TASP1: variants seen among roughly 807,000 people sequenced by gnomAD.
The protein encoded by TASP1 is taspase 1, also known as threonine aspartase 1.
In TASP1, 16 loss-of-function variants were observed where a neutral mutation model predicts 56.6. The ratio of observed to expected loss-of-function variants is 0.28; its 90% confidence interval spans 0.19 to 0.43. The LOEUF is 0.43. Ranked by LOEUF, TASP1 falls within the 20% of genes least tolerant of loss-of-function variation. The pLI is 1.00. For missense variants in TASP1, 393 were observed against 511.6 expected (o/e 0.77, Z 2.24); for synonymous variants, 179 against 184.2 (o/e 0.97, Z 0.23).
rs1278347188 is a variant in TASP1 at position 13,580,994 on chromosome 20, AAAAAAAATTGGC to A, written c.404-25_404-14del. On this transcript the variant is annotated splice_polypyrimidine_tract_variant and intron_variant, in intron 5 of 13. Transcript: ENST00000337743. ...GGGTTCTTGATTCCTATAAAAAAAA[AAAAAAAATTGGC>A]AAAAAAGATGTCAGAAATGTCTTCT... The A allele has an allele frequency of 1.2e-6, 2 of 1,602,716 alleles. No homozygotes were observed. Among genetic ancestry groups the A allele is most frequent in the Admixed American group, 3.5e-5 (2 of 57,290 alleles).
chr20:13,627,944 T>C (rs2048955230), intron 2 of TASP1, among the ~76,000 whole-genome samples: 1 of 152,220 alleles, frequency 6.6e-6, no homozygotes, highest in Non-Finnish European at 1.5e-5. Context: ...TGTAGCAATC[T>C]ATAACCAATC....
chr20:13,332,096 C>T, the TASP1 span, among the ~76,000 whole-genome samples: 53 of 152,154 alleles, frequency 3.5e-4, no homozygotes, highest in African/African-American at 1.3e-3. Flanking sequence ...CCCTGTAGAC[C>T]ACAAAAAGAT....
the TASP1 span, among the ~76,000 whole-genome samples, chr20:13,179,811 GGA>G: frequency 6.6e-6 from 1 of 152,138 alleles, no homozygotes; most frequent in African/African-American, 2.4e-5. Context: ...TGTCCACTCT[GGA>G]GAGTCTCCAG....
At chr20:13,337,698 G>T in the TASP1 span, among the ~76,000 whole-genome samples, 2 of 152,334 alleles carry the variant, frequency 1.3e-5, no homozygotes, top group South Asian at 4.1e-4. Context: ...TAACTTTTGT[G>T]CAACACAATT....
chr20:13,390,776 T>C (rs544395459), intron 13 of TASP1, among the ~76,000 whole-genome samples: 16 of 152,336 alleles, frequency 1.1e-4, no homozygotes, highest in Admixed American at 3.3e-4. Flanking sequence ...GCAGTTTTAA[T>C]GCCAGCTCTA....
chr20:13,261,176 G>A, the TASP1 span, among the ~76,000 whole-genome samples: 1,836 of 152,278 alleles, frequency 0.012, 29 homozygotes, highest in Non-Finnish European at 0.022. Flanking sequence ...CACTTTGAGA[G>A]GCTGAGTTGG....
At chr20:13,171,220 T>C in the TASP1 span, among the ~76,000 whole-genome samples, 1 of 152,222 alleles carries the variant, frequency 6.6e-6, no homozygotes, top group Non-Finnish European at 1.5e-5. Context: ...CTCAATTTTA[T>C]ATAATTTACA....
chr20:13,280,779 G>A, the TASP1 span, among the ~76,000 whole-genome samples: 6,369 of 152,276 alleles, frequency 0.042, 455 homozygotes, highest in African/African-American at 0.14. Flanking sequence ...TGCAAGGGAG[G>A]CTGGGAAATG....
the TASP1 span, among the ~76,000 whole-genome samples, chr20:13,358,212 C>T: frequency 6.6e-6 from 1 of 152,212 alleles, no homozygotes; most frequent in South Asian, 2.1e-4. Flanking sequence ...ACGGCCCCAC[C>T]CTTATCTCCC....
At chr20:13,589,932 CT>C (rs2047458404) in intron 4 of TASP1, among the ~76,000 whole-genome samples, 1 of 151,992 alleles carries the variant, frequency 6.6e-6, no homozygotes, top group Non-Finnish European at 1.5e-5. Context: ...AAAATCAATT[CT>C]AAAAACAGAA....
the TASP1 span, among the ~76,000 whole-genome samples, chr20:13,148,979 T>C: frequency 6.6e-6 from 1 of 152,246 alleles, no homozygotes; most frequent in Non-Finnish European, 1.5e-5. Flanking sequence ...TAAGCTTATC[T>C]CTAATTTACA....
intron 10 of TASP1, among the ~76,000 whole-genome samples, chr20:13,501,154 G>T (rs1365373489): frequency 6.6e-6 from 1 of 151,912 alleles, no homozygotes; most frequent in Non-Finnish European, 1.5e-5. Flanking sequence ...GGGAAGTAAA[G>T]ATATTTCTGA....
At chr20:13,330,066 C>G in the TASP1 span, among the ~76,000 whole-genome samples, 12 of 152,078 alleles carry the variant, frequency 7.9e-5, no homozygotes, top group Non-Finnish European at 1.8e-4. Context: ...AAGCAATTCT[C>G]CTGCCTCAGC....
chr20:13,328,119 C>A, the TASP1 span, among the ~76,000 whole-genome samples: 35 of 151,906 alleles, frequency 2.3e-4, no homozygotes, highest in South Asian at 3.3e-3. Flanking sequence ...AGAAAAAAAA[C>A]CAAACAACCC....
chr20:13,458,147 A>G (rs1009406901), intron 11 of TASP1, among the ~76,000 whole-genome samples: 2 of 152,138 alleles, frequency 1.3e-5, no homozygotes, highest in Non-Finnish European at 2.9e-5. Context: ...GTGTAAACAA[A>G]AAGGTCAACA....
intron 10 of TASP1, among the ~76,000 whole-genome samples, chr20:13,512,242 T>C (rs1212778060): frequency 6.6e-6 from 1 of 152,112 alleles, no homozygotes; most frequent in Non-Finnish European, 1.5e-5. Flanking sequence ...AGTGTTCCTA[T>C]TTCTCCACAT....
chr20:13,373,502 T>C, the TASP1 span, among the ~76,000 whole-genome samples: 3 of 152,050 alleles, frequency 2.0e-5, no homozygotes, highest in East Asian at 5.8e-4. Context: ...TCTTCATTTT[T>C]GAAAGACAGT....
At chr20:13,392,381 T>C (rs2041322840) in intron 13 of TASP1, among the ~76,000 whole-genome samples, 1 of 152,188 alleles carries the variant, frequency 6.6e-6, no homozygotes, top group Non-Finnish European at 1.5e-5. Flanking sequence ...GTTCTTCTTT[T>C]AGCTCCTATA....
At chr20:13,391,417 C>G (rs1286558301) in intron 13 of TASP1, among the ~76,000 whole-genome samples, 2 of 152,164 alleles carry the variant, frequency 1.3e-5, no homozygotes, top group Admixed American at 6.5e-5. Context: ...AGATAAATGT[C>G]TGGAATTTCT....
Sources: gnomAD v4.1 joint callset for allele counts (sites outside exome capture counted in the v4.1 genomes callset) on GRCh38, gnomAD v4.1.1 for gene constraint, MANE v1.5 for transcripts, NCBI Gene and HGNC (gene_info 2026-07-23, HGNC 2026-07-21) for gene names.